Variants in C14orf93 observed in about 807,000 individuals in gnomAD.
The protein encoded by C14orf93 is chromosome 14 open reading frame 93, also known as uncharacterized protein C14orf93.
C14orf93 carries 23 observed loss-of-function variants against 44.0 expected under a neutral mutation model. That is an observed-to-expected ratio of 0.52 (90% confidence interval 0.38 to 0.74). The LOEUF (loss-of-function observed/expected upper bound fraction) is 0.74. C14orf93 is among the 30% of genes least tolerant of loss of function. C14orf93 has a pLI of 0.00. For missense variants in C14orf93, 579 were observed against 678.9 expected (o/e 0.85, Z 1.64); for synonymous variants, 253 against 265.7 (o/e 0.95, Z 0.46).
In C14orf93 at chr14:22,987,560, C is replaced by T. The variant is rs1190345508; in HGVS notation, c.1272G>A (p.Glu424=). The change falls in exon 7 of 7, where the codon GAG becomes GAA. Residue 424 remains glutamate, a synonymous_variant. Transcript: ENST00000299088. This position sits in a 1 kb window ranked among gnomAD's most constrained non-coding sequence, Gnocchi z 5.6. ...EDQRLWNDVT[E]ELMSDEEDSL... ...TGTCCTCTTCATCTGACATCAGTTC[C>T]TCTGTCACATCATTCCACAGACGTT... 11 of 1,614,106 alleles carry T rather than the reference C, an allele frequency of 6.8e-6. No homozygotes were observed. The highest frequency in any genetic ancestry group is 1.1e-5 in the South Asian group (1 of 91,068).
rs1030495107 is a variant in C14orf93 at position 22,986,084 on chromosome 14, C to T, written c.*1131G>A. The T allele has an allele frequency of 1.3e-5, 2 of 152,300 alleles. No homozygotes were observed. Among genetic ancestry groups the T allele is most frequent in the African/African-American group, 4.8e-5 (2 of 41,446 alleles). The allele number at this position is 152,300 out of a possible 1,614,324, so 9.4% of individuals were successfully genotyped here. A position where few individuals can be genotyped will look rare whatever the true frequency, so the allele number is the denominator to read the frequency against. On this transcript the variant is annotated 3_prime_UTR_variant, in exon 7 of 7. Coordinates refer to ENST00000299088, the MANE Select transcript of C14orf93 (RefSeq NM_021944.4). The stretch of plus-strand genomic sequence containing the variant: ...GCAGTAGAACTGGACCTTGTCTGTA[C>T]TCTCTCTTGCCCCTGGACTTTTGTA...
intron 3 of C14orf93, among the ~76,000 whole-genome samples, chr14:22,992,549 ATATTTATTTATT>A (rs568110834): frequency 1.3e-5 from 2 of 150,492 alleles, no homozygotes; most frequent in South Asian, 2.1e-4. Flanking sequence ...AGCACCTAAA[ATATTTATTTATT>A]TATTTATTTA....
At position 22,998,813 on chromosome 14, in the gene C14orf93, T is replaced by G; in HGVS notation, c.211A>C (p.Lys71Gln). 4 of 1,614,148 alleles carry G rather than the reference T, an allele frequency of 2.5e-6. No individual in the cohort carries two copies. The highest frequency in any genetic ancestry group is 3.4e-6 in the Non-Finnish European group (4 of 1,180,022). ...LLHVIYQRVD[K>Q]AVGLAEAALG... ...GCAGCTTCAGCCAAACCCACTGCCT[T>G]ATCGACCCGCTGGTAGATAACATGC... Residue 71 changes from lysine (K) to glutamine (Q), a missense_variant, in exon 2 of 7, where the codon AAG becomes CAG. Physicochemically the swap from Lys to Gln is moderately conservative, Grantham distance 53. Coordinates refer to ENST00000299088, the MANE Select transcript of C14orf93 (RefSeq NM_021944.4).
intron 1 of C14orf93, among the ~76,000 whole-genome samples, chr14:23,009,419 A>G (rs1199974445): frequency 1.3e-5 from 2 of 152,250 alleles, no homozygotes; most frequent in Non-Finnish European, 2.9e-5. Context: ...TGGCACATAT[A>G]CACACATATT....
intron 1 of C14orf93, among the ~76,000 whole-genome samples, chr14:23,003,237 A>C (rs563419390): frequency 6.6e-6 from 1 of 152,326 alleles, no homozygotes; most frequent in East Asian, 1.9e-4. Flanking sequence ...TGCCTATAAA[A>C]ACTAGGTACA....
chr14:23,004,239 C>A (rs1030528359), intron 1 of C14orf93, among the ~76,000 whole-genome samples: 2 of 148,866 alleles, frequency 1.3e-5, no homozygotes, highest in Non-Finnish European at 3.0e-5. Flanking sequence ...GATACAGAGT[C>A]TCACTCTGTC....
intron 1 of C14orf93, among the ~76,000 whole-genome samples, chr14:23,008,078 A>T (rs1234623170): frequency 6.7e-6 from 1 of 148,196 alleles, no homozygotes; most frequent in South Asian, 2.2e-4. Context: ...GCTTGAACCC[A>T]GGAGGCGAAG....
At chr14:22,991,653 C>G (rs772026582) in intron 3 of C14orf93, among the ~76,000 whole-genome samples, 7 of 150,540 alleles carry the variant, frequency 4.6e-5, no homozygotes, top group Non-Finnish European at 7.4e-5. Flanking sequence ...TCACTGCAAC[C>G]TCCACCTCCC....
At chr14:23,002,054 C>T (rs1413867812) in intron 1 of C14orf93, among the ~76,000 whole-genome samples, 1 of 147,674 alleles carries the variant, frequency 6.8e-6, no homozygotes, top group Non-Finnish European at 1.5e-5. Flanking sequence ...GAGGCTGAGG[C>T]AGGAGAATGG....
At chr14:23,001,827 T>C (rs1210018447) in intron 1 of C14orf93, among the ~76,000 whole-genome samples, 3 of 111,774 alleles carry the variant, frequency 2.7e-5, no homozygotes, top group African/African-American at 1.1e-4. Context: ...AAAACAGCAC[T>C]GTACTGCAGG....
intron 1 of C14orf93, chr14:23,005,481 A>G (rs1395133008): frequency 6.6e-6 from 1 of 152,184 alleles, no homozygotes; most frequent in Non-Finnish European, 1.5e-5. Context: ...AAATAAATAA[A>G]AAGAGGAGAC....
rs547297039 is a variant in C14orf93 at position 22,986,107 on chromosome 14, G to A, written c.*1108C>T. 1 of 152,266 alleles carries A rather than the reference G, an allele frequency of 6.6e-6. No individual in the cohort carries two copies. The highest frequency in any genetic ancestry group is 2.4e-5 in the African/African-American group (1 of 41,514). The allele number at this position is 152,266 out of a possible 1,614,324, so 9.4% of individuals were successfully genotyped here. A position where few individuals can be genotyped will look rare whatever the true frequency, so the allele number is the denominator to read the frequency against. Reference sequence around the variant, plus strand: ...TACTCTCTCTTGCCCCTGGACTTTTGTACCTGCAGTTCCCTGTTTGGAACA... The same window carrying A: ...TACTCTCTCTTGCCCCTGGACTTTTATACCTGCAGTTCCCTGTTTGGAACA... On this transcript the variant is annotated 3_prime_UTR_variant, in exon 7 of 7. Coordinates refer to ENST00000299088, the MANE Select transcript of C14orf93 (RefSeq NM_021944.4).
In C14orf93 at chr14:22,991,248, C is replaced by T. The variant is rs889705892; in HGVS notation, c.919-1121G>A. Among the ~76,000 whole-genome samples, 8 of 150,478 alleles carry T rather than the reference C, an allele frequency of 5.3e-5. No homozygotes were observed. The South Asian group carries it at 1.1e-3, about 20-fold the overall frequency. ...GCACTCATTAAAAAGTTTTGCCAGC[C>T]GGGCGCGGTGGCTCATGCCTGTAAT... is the stretch of plus-strand genomic sequence containing the variant. On this transcript the variant is annotated intron_variant, in intron 3 of 6. Coordinates refer to ENST00000299088, the MANE Select transcript of C14orf93 (RefSeq NM_021944.4).
At chr14:22,995,420 C>T (rs2045908231) in intron 3 of C14orf93, among the ~76,000 whole-genome samples, 1 of 152,228 alleles carries the variant, frequency 6.6e-6, no homozygotes, top group Admixed American at 6.5e-5. Flanking sequence ...TGGCTCACGC[C>T]TGTAATCCCA....
intron 1 of C14orf93, among the ~76,000 whole-genome samples, chr14:23,002,451 CAAAA>C (rs397709228): frequency 1.1e-5 from 1 of 89,074 alleles, no homozygotes; most frequent in Non-Finnish European, 2.2e-5. Context: ...GACTCCATCT[CAAAA>C]AAAAAAAAAA....
At chr14:23,008,178 A>C (rs992784372) in intron 1 of C14orf93, among the ~76,000 whole-genome samples, 10 of 147,618 alleles carry the variant, frequency 6.8e-5, no homozygotes, top group Admixed American at 6.0e-4. Context: ...AAAAAAAAAA[A>C]AACTCCCATC....
chr14:23,002,548 T>C (rs900164173), intron 1 of C14orf93, among the ~76,000 whole-genome samples: 5 of 152,142 alleles, frequency 3.3e-5, no homozygotes, highest in African/African-American at 7.2e-5. Flanking sequence ...AGACCAAGTT[T>C]CTTCATCACT....
At chr14:22,997,808 C>A (rs2046078759) in intron 2 of C14orf93, among the ~76,000 whole-genome samples, 1 of 151,956 alleles carries the variant, frequency 6.6e-6, no homozygotes, top group East Asian at 1.9e-4. Context: ...CTCTACCTCC[C>A]CCTCGCCTTA....
intron 1 of C14orf93, among the ~76,000 whole-genome samples, chr14:23,001,381 C>G (rs1009807361): frequency 6.6e-6 from 1 of 152,228 alleles, no homozygotes; most frequent in African/African-American, 2.4e-5. Flanking sequence ...AACTCTCTTG[C>G]CTCACGCACT....
Sources: gnomAD v4.1 joint callset for allele counts (sites outside exome capture counted in the v4.1 genomes callset) on GRCh38, gnomAD v4.1.1 for gene constraint, Gnocchi (gnomAD v3.1) non-coding constraint, MANE v1.5 for transcripts, NCBI Gene and HGNC (gene_info 2026-07-23, HGNC 2026-07-21) for gene names.